ZCCHC17: variants seen among roughly 807,000 people sequenced by gnomAD.
The protein encoded by ZCCHC17 is zinc finger CCHC-type containing 17.
In ZCCHC17, 18 loss-of-function variants were observed where a neutral mutation model predicts 30.6. That is an observed-to-expected ratio of 0.59 (90% CI 0.41 to 0.87). The LOEUF is 0.87. ZCCHC17 is among the 40% of genes least tolerant of loss of function. The pLI, the probability that ZCCHC17 is intolerant of heterozygous loss-of-function variation, is 0.00. For synonymous variants in ZCCHC17, 88 were observed against 92.4 expected (o/e 0.95, Z 0.27); for missense variants, 263 against 284.2 (o/e 0.93, Z 0.54).
At chr1:31,325,187 A>G (rs984180519) in intron 3 of ZCCHC17, among the ~76,000 whole-genome samples, 1 of 152,190 alleles carries the variant, frequency 6.6e-6, no homozygotes, top group East Asian at 1.9e-4. Flanking sequence ...TGCACTCAAC[A>G]GGTTGACCTG....
At chr1:31,305,631 G>T (rs113271987) in intron 1 of ZCCHC17, among the ~76,000 whole-genome samples, 2 of 151,504 alleles carry the variant, frequency 1.3e-5, no homozygotes, top group African/African-American at 4.9e-5. Flanking sequence ...TTGTGGAGAT[G>T]GGGTGTCGCT....
chr1:31,303,020 G>A (rs183246697), intron 1 of ZCCHC17, among the ~76,000 whole-genome samples: 1 of 152,200 alleles, frequency 6.6e-6, no homozygotes, highest in East Asian at 1.9e-4. Flanking sequence ...GCTCATGCCT[G>A]TAATCTCAGC....
chr1:31,353,792 A>T (rs1639551021), intron 7 of ZCCHC17, among the ~76,000 whole-genome samples: 3 of 152,204 alleles, frequency 2.0e-5, no homozygotes, highest in Admixed American at 6.5e-5. Context: ...TCATTTGACC[A>T]AATAAGTGAG....
At position 31,310,122 on chromosome 1, in the gene ZCCHC17, C is replaced by T; in HGVS notation, c.24C>T (p.Thr8=). The T allele has an allele frequency of 6.2e-7, 1 of 1,614,008 alleles. No homozygotes were observed. Among genetic ancestry groups the T allele is most frequent in the Non-Finnish European group, 8.5e-7 (1 of 1,179,968 alleles). The change falls in exon 2 of 8, where the codon ACC becomes ACT. Residue 8 remains threonine (T), a synonymous_variant. Coordinates refer to ENST00000344147, the MANE Select transcript of ZCCHC17 (RefSeq NM_016505.4). ...GGATGAATTCAGGAAGGCCTGAGAC[C>T]ATGGAAAACTTGCCTGCTCTCTACA... MNSGRPE[T]MENLPALYTI...
chr1:31,333,651 T>C lies in ZCCHC17; in HGVS notation c.125-3524T>C, dbSNP rs150276949. 7.4e-4 allele frequency among the ~76,000 whole-genome samples: 113 copies of C among 152,318 alleles called. 1 individual carries two copies. In the East Asian group the frequency reaches 0.017, roughly 23 times the overall value. On this transcript the variant is annotated intron_variant, in intron 3 of 7. Coordinates refer to ENST00000344147, the MANE Select transcript of ZCCHC17 (RefSeq NM_016505.4). ...CAGTTGTAGCATAAAATAAATACAT[T>C]TATAGCGTAAAAGAGCAAAATATTT...
At chr1:31,309,761 A>G (rs192120346) in intron 1 of ZCCHC17, among the ~76,000 whole-genome samples, 1 of 152,192 alleles carries the variant, frequency 6.6e-6, no homozygotes, top group East Asian at 1.9e-4. Context: ...CCCTCCCCCA[A>G]AATTCTTCCC....
At chr1:31,319,194 C>T in intron 3 of ZCCHC17, 28 bp downstream of exon 3, 2 of 1,584,386 alleles carry the variant, frequency 1.3e-6, no homozygotes, top group Non-Finnish European at 1.7e-6. Flanking sequence ...GAAATTCAGC[C>T]CTCTGATTCT....
intron 5 of ZCCHC17, among the ~76,000 whole-genome samples, chr1:31,345,148 C>CTGTTTGTT (rs149467715): frequency 6.8e-6 from 1 of 147,952 alleles, no homozygotes; most frequent in Non-Finnish European, 1.5e-5. Flanking sequence ...TGGCAATGTT[C>CTGTTTGTT]TGTTTGTTTG....
intron 7 of ZCCHC17, among the ~76,000 whole-genome samples, chr1:31,357,048 A>G (rs2148479539): frequency 6.6e-6 from 1 of 152,342 alleles, no homozygotes; most frequent in South Asian, 2.1e-4. Flanking sequence ...ATGAAGAAGT[A>G]AGTGCCTTGG....
intron 3 of ZCCHC17, among the ~76,000 whole-genome samples, chr1:31,330,696 C>T (rs1638548442): frequency 6.6e-6 from 1 of 152,090 alleles, no homozygotes; most frequent in East Asian, 1.9e-4. Context: ...TGTTATTTAT[C>T]AGCCTTGTGA....
In ZCCHC17 at chr1:31,337,205, G is replaced by T. The variant is rs373526510; in HGVS notation, c.155G>T (p.Cys52Phe). ...GTCCATCGAACTCATATGTCATCCT[G>T]TCGGGTGGATAAGCCCTCTGAGATA... ...GLVHRTHMSS[C>F]RVDKPSEIVD... Residue 52 changes from cysteine (C) to phenylalanine (F), a missense_variant, in exon 4 of 8, where the codon TGT becomes TTT. By Grantham distance (205) the Cys-to-Phe change is radical (BLOSUM62 -2). Transcript: ENST00000344147. 2.5e-6 allele frequency: 4 copies of T among 1,614,032 alleles called. No individual in the cohort carries two copies. In the South Asian group the frequency reaches 3.3e-5, roughly 13 times the overall value.
At chr1:31,339,664 G>A (rs770661790) in intron 5 of ZCCHC17, among the ~76,000 whole-genome samples, 1 of 151,990 alleles carries the variant, frequency 6.6e-6, no homozygotes, top group Non-Finnish European at 1.5e-5. Flanking sequence ...GCCCTTTAAC[G>A]AGTTAGCTAA....
At chr1:31,334,385 G>A (rs1043243872) in intron 3 of ZCCHC17, among the ~76,000 whole-genome samples, 1 of 145,978 alleles carries the variant, frequency 6.9e-6, no homozygotes, top group Non-Finnish European at 1.5e-5. Flanking sequence ...GTGTGTGTGT[G>A]TGTGAAAGAG....
intron 1 of ZCCHC17, among the ~76,000 whole-genome samples, chr1:31,307,232 C>G (rs1302530381): frequency 6.6e-6 from 1 of 151,734 alleles, no homozygotes; most frequent in Non-Finnish European, 1.5e-5. Context: ...CTTAGCTTCC[C>G]ACGATTACAG....
chr1:31,310,275 AAATG>A (rs1646568865), intron 2 of ZCCHC17, 111 bp downstream of exon 2: 1 of 1,069,370 alleles, frequency 9.4e-7, no homozygotes, highest in Non-Finnish European at 1.4e-6. Context: ...ATTACAGCTT[AAATG>A]GGAAGGGCCA....
chr1:31,322,422 A>C (rs923620400), intron 3 of ZCCHC17, among the ~76,000 whole-genome samples: 6 of 152,248 alleles, frequency 3.9e-5, no homozygotes, highest in Non-Finnish European at 7.3e-5. Context: ...CACAGAACTC[A>C]GAAAAATGCT....
At chr1:31,363,426 A>G (rs949164490) in intron 7 of ZCCHC17, among the ~76,000 whole-genome samples, 2 of 152,092 alleles carry the variant, frequency 1.3e-5, no homozygotes, top group African/African-American at 2.4e-5. Context: ...CTCGTGATCC[A>G]CCTGCCTCGG....
chr1:31,330,293 T>A (rs1454575879), intron 3 of ZCCHC17, among the ~76,000 whole-genome samples: 1 of 152,196 alleles, frequency 6.6e-6, no homozygotes, highest in African/African-American at 2.4e-5. Context: ...CCTTTCCAAG[T>A]TGTCAGGTTT....
intron 7 of ZCCHC17, among the ~76,000 whole-genome samples, chr1:31,349,188 C>T (rs1639382581): frequency 6.6e-6 from 1 of 151,332 alleles, no homozygotes; most frequent in Admixed American, 6.6e-5. Flanking sequence ...ATAGTGAGAC[C>T]CAATCTCTAA....
Sources: allele counts gnomAD v4.1 joint callset (sites outside exome capture counted in the v4.1 genomes callset), GRCh38; gene constraint gnomAD v4.1.1; transcripts MANE v1.5; gene names NCBI Gene and HGNC (gene_info 2026-07-23, HGNC 2026-07-21).